The following SYNPO2 variants were observed in gnomAD, a reference collection of about 807,000 sequenced individuals.
SYNPO2 encodes the protein synaptopodin-2.
In SYNPO2, 56 loss-of-function variants were observed where a neutral mutation model predicts 85.0. That is an observed-to-expected ratio of 0.66 (90% CI 0.53 to 0.82). The LOEUF is 0.82. Among genes scored for constraint, SYNPO2 ranks in the 40% least tolerant of loss-of-function variants. The probability of loss-of-function intolerance (pLI) is 0.00; values close to 1 mark genes in which losing one functional copy is unlikely to be tolerated. For synonymous variants in SYNPO2, 602 were observed against 591.1 expected, an observed-to-expected ratio of 1.02 and a Z score of -0.27; for missense variants, 1,575 against 1,534.2, an observed-to-expected ratio of 1.03 and a Z score of -0.44.
At chr4:119,038,126 C>G (rs1467934975) in intron 4 of SYNPO2, 8 of 985,104 alleles carry the variant, frequency 8.1e-6, no homozygotes, top group Non-Finnish European at 9.6e-6. Flanking sequence ...GCTCTCCCTA[C>G]AGTACCACAT....
intron 1 of SYNPO2, among the ~76,000 whole-genome samples, chr4:118,910,490 ATG>A (rs368221117): frequency 6.6e-5 from 10 of 151,542 alleles, no homozygotes; most frequent in South Asian, 2.1e-4. Flanking sequence ...TTGTTTAATT[ATG>A]TGTGTGTGTG....
In SYNPO2 at chr4:118,851,293, G is replaced by A. The variant is rs114019706; in HGVS notation, c.12+353G>A. Among the ~76,000 whole-genome samples the A allele has an allele frequency of 2.9e-3, 440 of 152,250 alleles. 3 individuals carry two copies. Among genetic ancestry groups the A allele is most frequent in the African/African-American group, 0.01 (418 of 41,554 alleles). On this transcript the variant is annotated intron_variant, in intron 1 of 4. Transcript: ENST00000610556. ...CTTAAAAATGATTGAGGATTGACCA[G>A]TCTGACCAACACGGAGAAACCCCGT...
chr4:118,925,088 A>G (rs950675820), intron 1 of SYNPO2, among the ~76,000 whole-genome samples: 4 of 152,150 alleles, frequency 2.6e-5, no homozygotes, highest in African/African-American at 4.8e-5. Flanking sequence ...CTGTGGGGCA[A>G]GATGTAGCAC....
intron 1 of SYNPO2, among the ~76,000 whole-genome samples, chr4:118,948,466 G>A (rs1422790527): frequency 6.6e-6 from 1 of 152,072 alleles, no homozygotes; most frequent in Non-Finnish European, 1.5e-5. Flanking sequence ...CATTTTATTT[G>A]GTGTCTTTCT....
chr4:118,937,775 A>C (rs1734158544), intron 1 of SYNPO2, among the ~76,000 whole-genome samples: 1 of 152,242 alleles, frequency 6.6e-6, no homozygotes, highest in South Asian at 2.1e-4. Context: ...TAGGTGTTCA[A>C]TCTATAATGG....
intron 3 of SYNPO2, 77 bp from the exon 4 acceptor site, chr4:119,029,768 G>A: frequency 6.9e-7 from 1 of 1,444,592 alleles, no homozygotes; most frequent in Non-Finnish European, 9.2e-7. Context: ...CCCCAGGAGA[G>A]TTCATTTCTG....
chr4:118,980,085 A>G (rs964837277), intron 1 of SYNPO2, among the ~76,000 whole-genome samples: 4 of 152,204 alleles, frequency 2.6e-5, no homozygotes, highest in African/African-American at 9.6e-5. Context: ...AGCTAACTTA[A>G]AGGGAAAGCT....
intron 1 of SYNPO2, among the ~76,000 whole-genome samples, chr4:118,997,296 A>G (rs1736644858): frequency 6.6e-6 from 1 of 151,896 alleles, no homozygotes; most frequent in Non-Finnish European, 1.5e-5. Context: ...ACATTGATTG[A>G]CTGGCTGATA....
chr4:118,966,866 G>A (rs1369536026), intron 1 of SYNPO2, among the ~76,000 whole-genome samples: 1 of 152,138 alleles, frequency 6.6e-6, no homozygotes, highest in African/African-American at 2.4e-5. Flanking sequence ...TCATGTACTT[G>A]AAGAGCAGGT....
chr4:119,012,624 C>CCA (rs957186085), intron 1 of SYNPO2, among the ~76,000 whole-genome samples: 1 of 152,124 alleles, frequency 6.6e-6, no homozygotes, highest in African/African-American at 2.4e-5. Flanking sequence ...GTTCAACTCC[C>CCA]ACTTATGAGT....
chr4:118,955,098 C>T (rs935330098), intron 1 of SYNPO2, among the ~76,000 whole-genome samples: 2 of 150,206 alleles, frequency 1.3e-5, no homozygotes, highest in Admixed American at 1.3e-4. Context: ...CTCCCGGGTT[C>T]AAGTGATTCT....
At chr4:118,864,174 G>C (rs914343144) in intron 1 of SYNPO2, among the ~76,000 whole-genome samples, 8 of 152,234 alleles carry the variant, frequency 5.3e-5, no homozygotes, top group Admixed American at 5.2e-4. Context: ...TTTGTTTCAA[G>C]AAATGTTTAA....
At chr4:118,914,656 A>G (rs888364674) in intron 1 of SYNPO2, among the ~76,000 whole-genome samples, 24 of 152,110 alleles carry the variant, frequency 1.6e-4, no homozygotes, top group African/African-American at 4.3e-4. Flanking sequence ...TTGGCTGAGA[A>G]ATGAGAATTA....
chr4:119,049,152 G>C (rs1738962487), intron 4 of SYNPO2, among the ~76,000 whole-genome samples: 1 of 152,158 alleles, frequency 6.6e-6, no homozygotes, highest in Admixed American at 6.5e-5. Context: ...GTGTGAGATG[G>C]AGAGCAGTCA....
At chr4:118,942,210 TA>T (rs1262493116) in intron 1 of SYNPO2, among the ~76,000 whole-genome samples, 2 of 152,084 alleles carry the variant, frequency 1.3e-5, no homozygotes, top group Non-Finnish European at 2.9e-5. Flanking sequence ...ATACAGAATA[TA>T]AAAAACATGA....
At chr4:118,947,480 C>G (rs1228340033) in intron 1 of SYNPO2, among the ~76,000 whole-genome samples, 1 of 152,134 alleles carries the variant, frequency 6.6e-6, no homozygotes, top group African/African-American at 2.4e-5. Flanking sequence ...GGAGAATGAC[C>G]TTCAGTTCCA....
chr4:118,918,030 G>T (rs1007775085), intron 1 of SYNPO2, among the ~76,000 whole-genome samples: 1 of 152,136 alleles, frequency 6.6e-6, no homozygotes, highest in African/African-American at 2.4e-5. Context: ...TGTTGAGTTA[G>T]GTAGAAGAGA....
intron 4 of SYNPO2, among the ~76,000 whole-genome samples, chr4:119,050,801 A>C (rs2149200170): frequency 6.6e-6 from 1 of 152,320 alleles, no homozygotes; most frequent in Middle Eastern, 3.4e-3. Flanking sequence ...GAATACTCTA[A>C]ATGCACACAG....
intron 4 of SYNPO2, among the ~76,000 whole-genome samples, chr4:119,041,477 T>G (rs1249299316): frequency 5.4e-5 from 8 of 148,842 alleles, no homozygotes; most frequent in African/African-American, 1.2e-4. Flanking sequence ...TGGTTTGGAG[T>G]TTTTTTTTTA....
Sources: allele counts gnomAD v4.1 joint callset (sites outside exome capture counted in the v4.1 genomes callset), GRCh38; gene constraint gnomAD v4.1.1; transcripts MANE v1.5; gene names NCBI Gene and HGNC (gene_info 2026-07-23, HGNC 2026-07-21).